Variants in ETFA observed in about 807,000 individuals in gnomAD.
ETFA encodes the protein electron transfer flavoprotein subunit alpha.
In ETFA, 22 loss-of-function variants were observed where a neutral mutation model predicts 46.2. The observed-to-expected ratio is 0.48, with a 90% confidence interval of 0.34 to 0.68. The LOEUF is 0.68. Among genes scored for constraint, ETFA ranks in the 30% least tolerant of loss-of-function variants. The pLI is 0.01. For missense variants in ETFA, 345 were observed against 401.1 expected, an observed-to-expected ratio of 0.86 and a Z score of 1.19; for synonymous variants, 131 against 139.9, an observed-to-expected ratio of 0.94 and a Z score of 0.45.
intron 9 of ETFA, chr15:76,260,335 T>C: frequency 3.0e-6 from 4 of 1,342,144 alleles, no homozygotes; most frequent in Non-Finnish European, 4.3e-6. Flanking sequence ...CCAAACCACG[T>C]CTCTTTCGGT....
rs775043427 is a variant in ETFA at position 76,286,465 on chromosome 15, T to G, written c.468A>C (p.Thr156=). ...RTIYAGNALC[T]VKCDEKVKVF... Reference sequence around the variant, plus strand: ...CTTTCACTTTCTCATCACACTTCACTGTACATAGAGCATTTCCTGAAACAT... The same window carrying G: ...CTTTCACTTTCTCATCACACTTCACGGTACATAGAGCATTTCCTGAAACAT... The change falls in exon 6 of 12, where the codon ACA becomes ACC. Residue 156 remains threonine (T), a synonymous_variant. Coordinates refer to ENST00000557943, the MANE Select transcript of ETFA (RefSeq NM_000126.4). 6.2e-7 allele frequency: 1 copy of G among 1,610,282 alleles called. No individual in the cohort carries two copies. The highest frequency in any genetic ancestry group is 8.5e-7 in the Non-Finnish European group (1 of 1,176,526).
chr15:76,282,409 C>G (rs1596216949), intron 8 of ETFA, among the ~76,000 whole-genome samples: 1 of 152,226 alleles, frequency 6.6e-6, no homozygotes, highest in Non-Finnish European at 1.5e-5. Context: ...CAACACATCT[C>G]TGGCCTCCAA....
At chr15:76,299,139 T>C (rs534056828) in intron 1 of ETFA, among the ~76,000 whole-genome samples, 1 of 152,174 alleles carries the variant, frequency 6.6e-6, no homozygotes. Context: ...AAATAAAAAT[T>C]AACTATGCAG....
chr15:76,226,866 G>A (rs568668599), intron 10 of ETFA, among the ~76,000 whole-genome samples: 51 of 152,256 alleles, frequency 3.3e-4, no homozygotes, highest in African/African-American at 9.9e-4. Context: ...GCGACAGAGT[G>A]AGACTCCGTC....
intron 11 of ETFA, among the ~76,000 whole-genome samples, chr15:76,224,110 A>G (rs2038982460): frequency 6.6e-6 from 1 of 152,216 alleles, no homozygotes. Context: ...AAATAAAAAT[A>G]ATATTTACCC....
intron 8 of ETFA, among the ~76,000 whole-genome samples, chr15:76,276,329 G>A (rs2039591047): frequency 6.6e-6 from 1 of 151,842 alleles, no homozygotes; most frequent in Admixed American, 6.6e-5. Context: ...TATTATCTTT[G>A]CTCTTGTACA....
intron 9 of ETFA, among the ~76,000 whole-genome samples, chr15:76,243,328 A>G (rs1282630877): frequency 6.6e-6 from 1 of 152,088 alleles, no homozygotes; most frequent in Non-Finnish European, 1.5e-5. Context: ...TTTATATTTT[A>G]CCACAATAAA....
chr15:76,268,103 T>C (rs916246104), intron 9 of ETFA, among the ~76,000 whole-genome samples: 3 of 148,934 alleles, frequency 2.0e-5, no homozygotes, highest in Non-Finnish European at 4.4e-5. Context: ...TCATTACCAA[T>C]GGTAACTTTT....
At chr15:76,231,502 A>G in intron 9 of ETFA, 104 bp from the exon 10 acceptor site, 1 of 700,062 alleles carries the variant, frequency 1.4e-6, no homozygotes, top group Non-Finnish European at 2.4e-6. Flanking sequence ...GATATGTTAA[A>G]TAAAATAGAG....
chr15:76,259,385 G>A lies in ETFA; in HGVS notation c.816+15027C>T, dbSNP rs540294012. The stretch of plus-strand genomic sequence containing the variant: ...GGTACATGAGATCATACAAAAGGTC[G>A]TCTGAAGGCCTAAGGAGACCTTGGC... On this transcript the variant is annotated intron_variant, in intron 9 of 11. Coordinates refer to ENST00000557943, the MANE Select transcript of ETFA (RefSeq NM_000126.4). 1,944 of 1,382,364 alleles carry A rather than the reference G, an allele frequency of 1.4e-3. 13 individuals carry two copies. The highest frequency in any genetic ancestry group is 7.3e-3 in the South Asian group (643 of 87,610). The allele number at this position is 1,382,364 out of a possible 1,614,324, so 85.6% of individuals were successfully genotyped here.
chr15:76,275,481 T>C (rs918474197), intron 8 of ETFA, among the ~76,000 whole-genome samples: 10 of 152,204 alleles, frequency 6.6e-5, no homozygotes, highest in Non-Finnish European at 1.2e-4. Flanking sequence ...TTTATATGTA[T>C]ATGTATTTTT....
chr15:76,251,959 T>C (rs2039302918), intron 9 of ETFA, among the ~76,000 whole-genome samples: 1 of 152,198 alleles, frequency 6.6e-6, no homozygotes, highest in African/African-American at 2.4e-5. Context: ...GCCTTCTTTA[T>C]AAGGACTCAA....
intron 9 of ETFA, among the ~76,000 whole-genome samples, chr15:76,241,372 G>A (rs2039186224): frequency 6.6e-6 from 1 of 151,874 alleles, no homozygotes; most frequent in Admixed American, 6.6e-5. Flanking sequence ...GGTGTGGTGG[G>A]ACACATCTGT....
At chr15:76,243,660 G>A (rs528918543) in intron 9 of ETFA, among the ~76,000 whole-genome samples, 10 of 151,976 alleles carry the variant, frequency 6.6e-5, no homozygotes, top group South Asian at 6.2e-4. Context: ...TTAGCCGGGC[G>A]TGGTGGTACA....
At chr15:76,305,975 G>A (rs916092771) in intron 1 of ETFA, among the ~76,000 whole-genome samples, 3 of 151,632 alleles carry the variant, frequency 2.0e-5, no homozygotes, top group Non-Finnish European at 4.4e-5. Context: ...AGCCACATGA[G>A]TAGCTGTGAC....
chr15:76,281,353 T>C (rs1336102889), intron 8 of ETFA, among the ~76,000 whole-genome samples: 1 of 152,010 alleles, frequency 6.6e-6, no homozygotes, highest in African/African-American at 2.4e-5. Context: ...TATTTTAAAC[T>C]TCAATCTTTC....
chr15:76,216,739 AC>A, intron 11 of ETFA, 142 bp from the exon 12 acceptor site: 1 of 651,446 alleles, frequency 1.5e-6, no homozygotes, highest in Non-Finnish European at 2.8e-6. Context: ...TCCACCAGGA[AC>A]CCCCTGTTCT....
Position 76,215,369 on chromosome 15 carries a change from G to C in ETFA, c.*1190C>G, listed in dbSNP as rs1365820936. ...TGCCAAAGATACAACTTTTAAAAGTGTTTTATAGCAACTGATTGTGACACA... is the reference window on the plus strand; with the variant it reads ...TGCCAAAGATACAACTTTTAAAAGTCTTTTATAGCAACTGATTGTGACACA... On this transcript the variant is annotated 3_prime_UTR_variant, in exon 12 of 12. Transcript: ENST00000557943. 6.6e-6 allele frequency: 1 copy of C among 152,164 alleles called. No homozygotes were observed. Among genetic ancestry groups the C allele is most frequent in the Admixed American group, 6.5e-5 (1 of 15,280 alleles). The allele number at this position is 152,164 out of a possible 1,614,324, so 9.4% of individuals were successfully genotyped here.
At chr15:76,266,085 G>A (rs1389081417) in intron 9 of ETFA, among the ~76,000 whole-genome samples, 1 of 152,162 alleles carries the variant, frequency 6.6e-6, no homozygotes, top group Non-Finnish European at 1.5e-5. Flanking sequence ...TTGTCATTAA[G>A]AAAAAATCGG....
Sources: gnomAD v4.1 joint callset for allele counts (sites outside exome capture counted in the v4.1 genomes callset) on GRCh38, gnomAD v4.1.1 for gene constraint, MANE v1.5 for transcripts, NCBI Gene and HGNC (gene_info 2026-07-23, HGNC 2026-07-21) for gene names.